The following ADAMTS2 variants were observed in gnomAD, a reference collection of about 807,000 sequenced individuals.
ADAMTS2 encodes the protein ADAM metallopeptidase with thrombospondin type 1 motif 2.
Under a neutral mutation model 123.0 loss-of-function variants are expected in ADAMTS2, and 50 were observed. The ratio of observed to expected loss-of-function variants is 0.41; its 90% confidence interval spans 0.32 to 0.51. The LOEUF is 0.51. Among genes scored for constraint, ADAMTS2 ranks in the 20% least tolerant of loss-of-function variants. The pLI is 0.35. For synonymous variants in ADAMTS2, 678 were observed against 695.4 expected, an observed-to-expected ratio of 0.98 and a Z score of 0.39; for missense variants, 1,494 against 1,705.2, an observed-to-expected ratio of 0.88 and a Z score of 2.18.
At position 179,168,423 on chromosome 5, in the gene ADAMTS2, G is replaced by A. The variant is rs565754748; in HGVS notation, c.976-9544C>T. On this transcript the variant is annotated intron_variant, in intron 5 of 21. Transcript: ENST00000251582. Reference sequence around the variant, plus strand: ...AGTGGCTCCACCAGCGTGTGGCCCCGGGCAGGCCGCTCGCCCCCTGGAGCC... The same window carrying A: ...AGTGGCTCCACCAGCGTGTGGCCCCAGGCAGGCCGCTCGCCCCCTGGAGCC... Among the ~76,000 whole-genome samples, 651 of 152,254 alleles carry A rather than the reference G, an allele frequency of 4.3e-3. 5 individuals are homozygous for A. Among genetic ancestry groups the A allele is most frequent in the Admixed American group, 9.0e-3 (137 of 15,296 alleles).
intron 2 of ADAMTS2, among the ~76,000 whole-genome samples, chr5:179,283,723 C>T (rs1755906588): frequency 2.0e-5 from 3 of 151,572 alleles, no homozygotes; most frequent in African/African-American, 7.3e-5. Flanking sequence ...GAAACCCCAT[C>T]TGTCCTAAAA....
intron 3 of ADAMTS2, among the ~76,000 whole-genome samples, chr5:179,245,791 AAAAAC>A (rs1384547669): frequency 0.041 from 3,507 of 85,150 alleles, 392 homozygotes; most frequent in Non-Finnish European, 0.083. Flanking sequence ...AAAAAAAAAA[AAAAAC>A]AAAAAAAACA....
chr5:179,195,003 G>A (rs1013671571), intron 4 of ADAMTS2, among the ~76,000 whole-genome samples: 9 of 152,202 alleles, frequency 5.9e-5, no homozygotes, highest in Non-Finnish European at 1.0e-4. Context: ...GCCTTTGCGC[G>A]CGCTGTGCCA....
rs7737625 is a variant in ADAMTS2 at position 179,248,563 on chromosome 5, A to G, written c.688+24348T>C. Among the ~76,000 whole-genome samples, 1,398 of 152,260 alleles carry G rather than the reference A, an allele frequency of 9.2e-3. 21 individuals carry two copies. The highest frequency in any genetic ancestry group is 0.032 in the African/African-American group (1,335 of 41,568). The stretch of plus-strand genomic sequence containing the variant: ...AAGATGGATAAAGAAATGCTATGCA[A>G]ATAGAAACCAGAAGAGACCTGGGAT... On this transcript the variant is annotated intron_variant, in intron 3 of 21. Transcript: ENST00000251582.
At chr5:179,165,625 C>G (rs764367104) in intron 5 of ADAMTS2, among the ~76,000 whole-genome samples, 11 of 152,256 alleles carry the variant, frequency 7.2e-5, no homozygotes, top group African/African-American at 2.4e-4. Flanking sequence ...CAGGGGCAGC[C>G]GCGGGCACCC....
chr5:179,314,244 C>T lies in ADAMTS2; in HGVS notation c.534+29523G>A, dbSNP rs1244455954. On this transcript the variant is annotated intron_variant, in intron 2 of 21. Transcript: ENST00000251582. The surrounding 1 kb of genome is among the most constrained non-coding windows in gnomAD (Gnocchi z 4.5). ...ATCCTGCCCCTCCCACCGGGTCGGCCCTGTCCTTGTCTTGCTCAGCTCGGG... is the reference window on the plus strand; with the variant it reads ...ATCCTGCCCCTCCCACCGGGTCGGCTCTGTCCTTGTCTTGCTCAGCTCGGG... Among the ~76,000 whole-genome samples, 2 of 152,186 alleles carry T rather than the reference C, an allele frequency of 1.3e-5. No individual in the cohort carries two copies. Among genetic ancestry groups the T allele is most frequent in the East Asian group, 3.9e-4 (2 of 5,192 alleles).
At chr5:179,232,947 C>T (rs1344597174) in intron 3 of ADAMTS2, among the ~76,000 whole-genome samples, 3 of 152,138 alleles carry the variant, frequency 2.0e-5, no homozygotes, top group African/African-American at 7.2e-5. Flanking sequence ...GCATTTCCAA[C>T]AAGTCTGGAG....
chr5:179,245,810 A>AAAG (rs1765791189), intron 3 of ADAMTS2, among the ~76,000 whole-genome samples: 1 of 129,306 alleles, frequency 7.7e-6, no homozygotes, highest in African/African-American at 2.6e-5. Context: ...AAAAACAAAG[A>AAAG]TGGGGGTGGA....
chr5:179,169,108 T>C (rs1170007547), intron 5 of ADAMTS2, among the ~76,000 whole-genome samples: 2 of 152,158 alleles, frequency 1.3e-5, no homozygotes, highest in Non-Finnish European at 2.9e-5. Flanking sequence ...ATTTGAAAGG[T>C]TGAAAGCTGA....
intron 3 of ADAMTS2, among the ~76,000 whole-genome samples, chr5:179,240,818 C>T (rs558368494): frequency 6.6e-6 from 1 of 152,324 alleles, no homozygotes; most frequent in South Asian, 2.1e-4. Flanking sequence ...CACACTGCTG[C>T]GGAAACCATA....
Position 179,188,327 on chromosome 5 carries a change from G to A in ADAMTS2, c.892-7172C>T, listed in dbSNP as rs147259594. Among the ~76,000 whole-genome samples, 6 of 152,298 alleles carry A rather than the reference G, an allele frequency of 3.9e-5. No individual in the cohort carries two copies. Among genetic ancestry groups the A allele is most frequent in the Non-Finnish European group, 8.8e-5 (6 of 68,022 alleles). ...ACCCCCTGAAATAAGTGAGGAGAAG[G>A]CTGTTCTCTCTGTGCCCCTTCGGAG... is the stretch of plus-strand genomic sequence containing the variant. On this transcript the variant is annotated intron_variant, in intron 4 of 21. Coordinates refer to ENST00000251582, the MANE Select transcript of ADAMTS2 (RefSeq NM_014244.5). This position sits in a 1 kb window ranked among gnomAD's most constrained non-coding sequence, Gnocchi z 5.1.
intron 4 of ADAMTS2, among the ~76,000 whole-genome samples, chr5:179,206,898 T>C (rs936651533): frequency 2.6e-5 from 4 of 152,146 alleles, no homozygotes; most frequent in African/African-American, 7.2e-5. Flanking sequence ...AGGTGGCACA[T>C]AGACACCCCT....
intron 3 of ADAMTS2, among the ~76,000 whole-genome samples, chr5:179,209,309 A>G (rs1231638848): frequency 1.3e-5 from 2 of 152,238 alleles, no homozygotes; most frequent in Non-Finnish European, 2.9e-5. Flanking sequence ...GACAAGACAG[A>G]CTGAACATGA....
chr5:179,344,937 C>T (rs1044437797), intron 1 of ADAMTS2, among the ~76,000 whole-genome samples: 2 of 152,106 alleles, frequency 1.3e-5, no homozygotes, highest in South Asian at 4.1e-4. Flanking sequence ...TTTCCCGGCC[C>T]TCCGTCCCCA....
In ADAMTS2 at chr5:179,137,827, G is replaced by C; in HGVS notation, c.1893C>G (p.Asp631Glu). The change falls in exon 12 of 22, where the codon GAC becomes GAG. Residue 631 changes from aspartate (D) to glutamate (E), a missense_variant. By Grantham distance (45) the Asp-to-Glu change is conservative (BLOSUM62 2). This residue lies in a region of ADAMTS2 where 953 missense variants were observed against 1,124.7 expected (regional missense o/e 0.85). Coordinates refer to ENST00000251582, the MANE Select transcript of ADAMTS2 (RefSeq NM_014244.5). ...DFREEQCRQW[D>E]LYFEHGDAQH... ...GGGCGTCGCCGTGCTCGAAGTACAG[G>C]TCCCACTGGCGGCACTGCTCCTCGC... 1 of 1,577,600 alleles carries C rather than the reference G, an allele frequency of 6.3e-7. No individual in the cohort carries two copies. Among genetic ancestry groups the C allele is most frequent in the Non-Finnish European group, 8.6e-7 (1 of 1,163,270 alleles).
intron 10 of ADAMTS2, among the ~76,000 whole-genome samples, chr5:179,142,512 A>G (rs1351371870): frequency 2.6e-5 from 4 of 152,264 alleles, no homozygotes; most frequent in Non-Finnish European, 5.9e-5. Flanking sequence ...ACCCCAGGAC[A>G]CTGTCAAAAA....
rs374738681 is a variant in ADAMTS2, at chr5:179,338,532, C to T, written c.534+5235G>A. Among the ~76,000 whole-genome samples, 5 of 152,170 alleles carry T rather than the reference C, an allele frequency of 3.3e-5. No homozygotes were observed. The East Asian group carries it at 5.8e-4, about 18-fold the overall frequency. On this transcript the variant is annotated intron_variant, in intron 2 of 21. Coordinates refer to ENST00000251582, the MANE Select transcript of ADAMTS2 (RefSeq NM_014244.5). ...GGGAGGGAGTCATTGCCCCACCCTC[C>T]CAGGGGCACCTGAGGGGAACGCTGG...
chr5:179,128,996 C>T lies in ADAMTS2; in HGVS notation c.2458-878G>A, dbSNP rs778343407. ...GATGAGAGCAGAAACAAGCAGACAG[C>T]GTGCTGAGTTGCTCCCACCTCCGCT... On this transcript the variant is annotated intron_variant, in intron 16 of 21. Coordinates refer to ENST00000251582, the MANE Select transcript of ADAMTS2 (RefSeq NM_014244.5). This position sits in a 1 kb window ranked among gnomAD's most constrained non-coding sequence, Gnocchi z 4.9. Among the ~76,000 whole-genome samples, 1 of 152,158 alleles carries T rather than the reference C, an allele frequency of 6.6e-6. No individual in the cohort carries two copies. The highest frequency in any genetic ancestry group is 1.5e-5 in the Non-Finnish European group (1 of 68,036).
At position 179,204,430 on chromosome 5, in the gene ADAMTS2, C is replaced by T. The variant is rs528382192; in HGVS notation, c.891+3083G>A. Among the ~76,000 whole-genome samples the T allele has an allele frequency of 2.2e-3, 337 of 152,368 alleles. 1 individual carries two copies. Among genetic ancestry groups the T allele is most frequent in the South Asian group, 2.5e-3 (12 of 4,832 alleles). ...AAGTTAAATTAAAAATTCAGTTCTTCAAGGACACCAGCCACACTTCAAGTG... is the reference window on the plus strand; with the variant it reads ...AAGTTAAATTAAAAATTCAGTTCTTTAAGGACACCAGCCACACTTCAAGTG... On this transcript the variant is annotated intron_variant, in intron 4 of 21. Coordinates refer to ENST00000251582, the MANE Select transcript of ADAMTS2 (RefSeq NM_014244.5).
Sources: allele counts gnomAD v4.1 joint callset (sites outside exome capture counted in the v4.1 genomes callset), GRCh38; gene constraint gnomAD v4.1.1; regional missense constraint gnomAD v4.1.1; non-coding constraint Gnocchi (gnomAD v3.1); transcripts MANE v1.5; gene names NCBI Gene and HGNC (gene_info 2026-07-23, HGNC 2026-07-21).